The following RPL39 variants were observed in gnomAD, a reference collection of about 807,000 sequenced individuals.
RPL39 encodes the protein large ribosomal subunit protein eL39.
For missense variants in RPL39, 6 were observed against 37.2 expected (o/e 0.16, Z 2.18); for synonymous variants, 8 against 11.4 (o/e 0.70, Z 0.60).
At position 119,786,549 on chromosome X, in the gene RPL39, A is replaced by AACGTGTT. The variant is rs1222943347; in HGVS notation, c.*128_*134dup. ...TATTTATTACTGAATCCAGCCAACC[A>AACGTGTT]ACGTGTTCATAACAGATTCAGAGAG... On this transcript the variant is annotated 3_prime_UTR_variant, in exon 3 of 3. Transcript: ENST00000361575. The AACGTGTT allele has an allele frequency of 3.4e-5, 17 of 495,381 alleles. No individual in the cohort carries two copies. The highest frequency in any genetic ancestry group is 1.2e-3 in the Middle Eastern group (2 of 1,648). 40.8% of individuals were successfully genotyped at this position (495,381 alleles called of 1,213,427 possible).
intron 1 of RPL39, chrX:119,790,224 G>T: frequency 2.9e-6 from 1 of 342,463 alleles, no homozygotes. Context: ...TAAAATAAGT[G>T]GAATCCGGTT....
chrX:119,789,867 TTACATTTAGCAAAATACAA>T, intron 2 of RPL39, 22 bp downstream of exon 2: 2 of 790,875 alleles, frequency 2.5e-6, no homozygotes, highest in Non-Finnish European at 3.9e-6. Flanking sequence ...ACAGTGGCTC[TTACATTTAGCAAAATACAA>T]GCAGTATGAT....
chrX:119,791,258 AC>A (rs1422955551), intron 1 of RPL39: 23 of 247,436 alleles, frequency 9.3e-5, no homozygotes, highest in Non-Finnish European at 1.7e-4. Flanking sequence ...GCCACCTCCC[AC>A]CCCCCGCCTC....
chrX:119,790,098 G>A, intron 1 of RPL39, 87 bp from the exon 2 acceptor site: 1 of 553,244 alleles, frequency 1.8e-6, no homozygotes, highest in Non-Finnish European at 3.1e-6. Context: ...CAACATTTGA[G>A]TGCTTAACAC....
rs181298457 is a variant in RPL39, at chrX:119,789,886, A to G, written c.107+22T>C. ...TGGCTCTTACATTTAGCAAAATACA[A>G]GCAGTATGATGGAGGTCTTACCTGA... On this transcript the variant is annotated intron_variant, in intron 2 of 2. Coordinates refer to ENST00000361575, the MANE Select transcript of RPL39 (RefSeq NM_001000.4). 17 of 911,998 alleles carry G rather than the reference A, an allele frequency of 1.9e-5. No homozygotes were observed. The Admixed American group carries it at 3.6e-4, about 19-fold the overall frequency. The allele number at this position is 911,998 out of a possible 1,213,427, so 75.2% of individuals were successfully genotyped here. A position where few individuals can be genotyped will look rare whatever the true frequency, so the allele number is the denominator to read the frequency against.
chrX:119,786,796 C>A, intron 2 of RPL39, 64 bp from the exon 3 acceptor site: 1 of 923,672 alleles, frequency 1.1e-6, no homozygotes, highest in Non-Finnish European at 1.6e-6. Context: ...TTCCCATTCA[C>A]ATAACCTTTT....
chrX:119,789,814 T>C, intron 2 of RPL39, 94 bp downstream of exon 2: 1 of 511,166 alleles, frequency 2.0e-6, no homozygotes, highest in Non-Finnish European at 3.5e-6. Context: ...TTGCATGCAA[T>C]TTTAATCATG....
chrX:119,788,493 T>G (rs192390434), intron 2 of RPL39, among the ~76,000 whole-genome samples: 13 of 107,441 alleles, frequency 1.2e-4, no homozygotes, highest in Non-Finnish European at 2.3e-4. Context: ...ATCACACCAT[T>G]GCACTCCAGC....
intron 2 of RPL39, among the ~76,000 whole-genome samples, chrX:119,788,409 G>A (rs753484449): frequency 6.3e-5 from 7 of 110,524 alleles, no homozygotes; most frequent in East Asian, 2.8e-4. Flanking sequence ...GCAGGCACCT[G>A]TAATCCCAGC....
chrX:119,789,687 A>G (rs1240450239), intron 2 of RPL39, among the ~76,000 whole-genome samples: 4 of 113,006 alleles, frequency 3.5e-5, no homozygotes, highest in Admixed American at 9.4e-5. Context: ...CAGGAAATTA[A>G]TAAGTATTGG....
intron 1 of RPL39, chrX:119,791,297 A>T (rs927110114): frequency 4.7e-5 from 13 of 278,554 alleles, no homozygotes; most frequent in African/African-American, 3.6e-4. Context: ...AAGCGAAGGG[A>T]AACCGGAATC....
intron 2 of RPL39, among the ~76,000 whole-genome samples, chrX:119,788,092 A>G (rs1472623864): frequency 8.9e-6 from 1 of 112,078 alleles, no homozygotes; most frequent in Non-Finnish European, 1.9e-5. Context: ...GTAAGCAATT[A>G]ACTAGCCCAT....
intron 2 of RPL39, among the ~76,000 whole-genome samples, chrX:119,787,702 A>G (rs926322653): frequency 1.8e-5 from 2 of 111,268 alleles, no homozygotes; most frequent in African/African-American, 6.5e-5. Context: ...CCAGGCTACA[A>G]TGCAGCGGCC....
intron 2 of RPL39, among the ~76,000 whole-genome samples, chrX:119,788,884 G>T (rs1462041596): frequency 1.8e-5 from 2 of 112,282 alleles, no homozygotes; most frequent in Non-Finnish European, 3.8e-5. Context: ...AGCAATTCTA[G>T]TAATGTTTTT....
intron 1 of RPL39, chrX:119,790,473 A>C (rs1402188268): frequency 8.6e-6 from 1 of 115,870 alleles, no homozygotes; most frequent in African/African-American, 3.2e-5. Context: ...TACTTTGTAA[A>C]ACAGGGGTAC....
rs777287923 is a variant in RPL39, at chrX:119,786,586, G to A, written c.*98C>T. On this transcript the variant is annotated 3_prime_UTR_variant, in exon 3 of 3. Transcript: ENST00000361575. ...ACAGATTCAGAGAGGAAAACACGTC[G>A]AAATCTCCAGATAGTGGTGACATTT... 22 of 643,089 alleles carry A rather than the reference G, an allele frequency of 3.4e-5. No homozygotes were observed. The highest frequency in any genetic ancestry group is 3.2e-4 in the South Asian group (11 of 34,436). The allele number at this position is 643,089 out of a possible 1,213,427, so 53.0% of individuals were successfully genotyped here. A position where few individuals can be genotyped will look rare whatever the true frequency, so the allele number is the denominator to read the frequency against.
chrX:119,789,437 G>A (rs989246294), intron 2 of RPL39, among the ~76,000 whole-genome samples: 2 of 112,254 alleles, frequency 1.8e-5, no homozygotes, highest in African/African-American at 6.5e-5. Flanking sequence ...CACGCCTGTA[G>A]TCCCAGCTAC....
intron 1 of RPL39, 60 bp downstream of exon 1, chrX:119,791,514 T>C (rs1015582597): frequency 1.1e-5 from 12 of 1,067,822 alleles, no homozygotes; most frequent in Non-Finnish European, 1.5e-5. Context: ...AGGCATTTCC[T>C]GGCAGCGGCC....
chrX:119,787,950 G>A (rs191253742), intron 2 of RPL39, among the ~76,000 whole-genome samples: 2 of 111,563 alleles, frequency 1.8e-5, no homozygotes, highest in East Asian at 5.6e-4. Context: ...ATGAAGCACT[G>A]TGCCTGGTTT....
Sources: gnomAD v4.1 joint callset for allele counts (sites outside exome capture counted in the v4.1 genomes callset) on GRCh38, gnomAD v4.1.1 for gene constraint, MANE v1.5 for transcripts, NCBI Gene and HGNC (gene_info 2026-07-23, HGNC 2026-07-21) for gene names.